Variants in PRKAR1B observed in about 807,000 individuals in gnomAD.
PRKAR1B encodes the protein protein kinase cAMP-dependent type I regulatory subunit beta, also known as cAMP-dependent protein kinase type I-beta regulatory subunit.
Under a neutral mutation model 46.5 loss-of-function variants are expected in PRKAR1B, and 22 were observed. That is an observed-to-expected ratio of 0.47 (90% CI 0.34 to 0.68). PRKAR1B has a LOEUF of 0.68. Ranked by LOEUF, PRKAR1B falls within the 30% of genes least tolerant of loss-of-function variation. The pLI is 0.01. For synonymous variants in PRKAR1B, 259 were observed against 217.7 expected, an observed-to-expected ratio of 1.19 and a Z score of -1.67; for missense variants, 445 against 535.6, an observed-to-expected ratio of 0.83 and a Z score of 1.67.
chr7:687,217 G>A (rs1779140232), intron 2 of PRKAR1B, among the ~76,000 whole-genome samples: 1 of 152,248 alleles, frequency 6.6e-6, no homozygotes, highest in South Asian at 2.1e-4. Context: ...ACAAGATCAT[G>A]TAATCAAAAC....
chr7:634,641 CTGTT>C (rs1783940269), intron 4 of PRKAR1B, among the ~76,000 whole-genome samples: 1 of 148,456 alleles, frequency 6.7e-6, no homozygotes, highest in Non-Finnish European at 1.5e-5. Context: ...CTGCAACTTA[CTGTT>C]TTTTTTTTTT....
At chr7:699,510 G>A (rs1779949928) in intron 2 of PRKAR1B, among the ~76,000 whole-genome samples, 1 of 152,080 alleles carries the variant, frequency 6.6e-6, no homozygotes, top group African/African-American at 2.4e-5. Flanking sequence ...ACCAAGTAGT[G>A]AGCTAGGAGG....
At chr7:629,027 C>T (rs900376466) in intron 4 of PRKAR1B, among the ~76,000 whole-genome samples, 26 of 152,244 alleles carry the variant, frequency 1.7e-4, no homozygotes, top group Non-Finnish European at 1.5e-5. Flanking sequence ...TGCTACACCA[C>T]CTGTGTGTCG....
At position 550,151 on chromosome 7, in the gene PRKAR1B, G is replaced by A. The variant is rs1261215870; in HGVS notation, c.*279C>T. ...CAGGGGTGGGGTGGGCCCCCCAGGA[G>A]AAGCCCACAGAGGCAGCCGGGGAGG... is the stretch of plus-strand genomic sequence containing the variant. On this transcript the variant is annotated 3_prime_UTR_variant, in exon 11 of 11. Transcript: ENST00000537384. The A allele has an allele frequency of 2.3e-6, 1 of 433,736 alleles. No homozygotes were observed. The highest frequency in any genetic ancestry group is 4.2e-6 in the Non-Finnish European group (1 of 237,780). The allele number at this position is 433,736 out of a possible 1,614,324, so 26.9% of individuals were successfully genotyped here. A position where few individuals can be genotyped will look rare whatever the true frequency, so the allele number is the denominator to read the frequency against.
chr7:605,693 G>C (rs1781992597), intron 6 of PRKAR1B, among the ~76,000 whole-genome samples: 1 of 152,194 alleles, frequency 6.6e-6, no homozygotes, highest in Non-Finnish European at 1.5e-5. Context: ...GACACAGTGA[G>C]ACCCGACTCA....
At chr7:656,005 T>C (rs1177739059) in intron 4 of PRKAR1B, among the ~76,000 whole-genome samples, 2 of 152,182 alleles carry the variant, frequency 1.3e-5, no homozygotes, top group African/African-American at 4.8e-5. Context: ...TTATGAGCCT[T>C]TGAAAGACAA....
At chr7:578,942 A>T in intron 9 of PRKAR1B, 1 of 1,022,658 alleles carries the variant, frequency 9.8e-7, no homozygotes, top group Non-Finnish European at 1.3e-6. Flanking sequence ...TCAGCCTCCC[A>T]CAGTGCTGGG....
chr7:627,671 C>A (rs1259368088), intron 4 of PRKAR1B, among the ~76,000 whole-genome samples: 1 of 152,184 alleles, frequency 6.6e-6, no homozygotes, highest in Non-Finnish European at 1.5e-5. Context: ...GGCACCAACA[C>A]CCCCCAGGGT....
chr7:573,654 C>T (rs942796286), intron 9 of PRKAR1B, among the ~76,000 whole-genome samples: 6 of 152,330 alleles, frequency 3.9e-5, no homozygotes, highest in African/African-American at 9.6e-5. Context: ...TGTGCCACTG[C>T]GGGGCCTGGC....
intron 9 of PRKAR1B, 44 bp downstream of exon 9, chr7:579,212 C>T (rs547422966): frequency 6.2e-7 from 1 of 1,613,200 alleles, no homozygotes; most frequent in Non-Finnish European, 8.5e-7. Flanking sequence ...AGTGCCCCTG[C>T]CCCAGTGCAC....
intron 9 of PRKAR1B, 146 bp downstream of exon 9, chr7:579,110 C>G (rs543524935): frequency 6.5e-7 from 1 of 1,540,026 alleles, no homozygotes; most frequent in African/African-American, 1.4e-5. Context: ...AGACCACCCA[C>G]CCCATGGAGG....
chr7:616,487 G>A (rs1001096544), intron 4 of PRKAR1B, among the ~76,000 whole-genome samples: 2 of 152,370 alleles, frequency 1.3e-5, no homozygotes, highest in East Asian at 1.9e-4. Context: ...GGGTCTCTCC[G>A]GAGCTGCGTC....
chr7:580,769 G>A (rs943903973), intron 8 of PRKAR1B, among the ~76,000 whole-genome samples: 4 of 144,976 alleles, frequency 2.8e-5, no homozygotes, highest in East Asian at 2.0e-4. Flanking sequence ...AAAAACAAAC[G>A]TTTCCTGGCC....
chr7:564,670 C>T (rs540754943), intron 9 of PRKAR1B, among the ~76,000 whole-genome samples: 17 of 152,322 alleles, frequency 1.1e-4, no homozygotes, highest in East Asian at 3.9e-4. Context: ...CTGCCCAGGG[C>T]GCCAGCACTG....
At chr7:645,010 G>A (rs1784556459) in intron 4 of PRKAR1B, among the ~76,000 whole-genome samples, 3 of 152,178 alleles carry the variant, frequency 2.0e-5, no homozygotes, top group African/African-American at 7.2e-5. Context: ...GCGCAGTGTG[G>A]ACGAGTGAGG....
rs779972601 is a variant in PRKAR1B at position 669,831 on chromosome 7, CGA to C, written c.440+7396_440+7397del. Among the ~76,000 whole-genome samples, 87 of 150,294 alleles carry C rather than the reference CGA, an allele frequency of 5.8e-4. 1 individual carries two copies. The highest frequency in any genetic ancestry group is 1.1e-3 in the Admixed American group (16 of 14,984). Reference sequence around the variant, plus strand: ...ATATTTGCCACAATGAAAACAAGAGCGAGAGAGAAGGCTGGTGGGCAGGTCCA... The same window carrying C: ...ATATTTGCCACAATGAAAACAAGAGCGAGAGAAGGCTGGTGGGCAGGTCCA... On this transcript the variant is annotated intron_variant, in intron 4 of 10. Transcript: ENST00000537384.
chr7:657,388 CATGGATGGATGGATGG>C (rs538399335), intron 4 of PRKAR1B, among the ~76,000 whole-genome samples: 134 of 147,688 alleles, frequency 9.1e-4, no homozygotes, highest in African/African-American at 3.1e-3. Context: ...TGAATGTGTG[CATGGATGGATGGATGG>C]ATGGATGGAT....
chr7:685,877 G>C (rs1480846862), intron 2 of PRKAR1B, among the ~76,000 whole-genome samples: 1 of 152,146 alleles, frequency 6.6e-6, no homozygotes, highest in South Asian at 2.1e-4. Context: ...CATAATTCTA[G>C]TTTTTTAAAA....
intron 4 of PRKAR1B, among the ~76,000 whole-genome samples, chr7:613,823 G>T (rs1217198586): frequency 6.6e-6 from 1 of 152,250 alleles, no homozygotes; most frequent in African/African-American, 2.4e-5. Context: ...GTTGGGACTT[G>T]CACGGGAAAG....
Sources: allele counts gnomAD v4.1 joint callset (sites outside exome capture counted in the v4.1 genomes callset), GRCh38; gene constraint gnomAD v4.1.1; transcripts MANE v1.5; gene names NCBI Gene and HGNC (gene_info 2026-07-23, HGNC 2026-07-21).